The following DST variants were observed in gnomAD, a reference collection of about 807,000 sequenced individuals.
DST encodes dystonin.
DST carries 253 observed loss-of-function variants against 875.2 expected under a neutral mutation model. That is an observed-to-expected ratio of 0.29 (90% CI 0.26 to 0.32). DST has a LOEUF of 0.32. DST is among the 10% of genes least tolerant of loss of function. The pLI is 1.00. For synonymous variants in DST, 3,124 were observed against 3,197.1 expected (o/e 0.98, Z 0.77); for missense variants, 8,287 against 9,111.6 (o/e 0.91, Z 3.68).
intron 26 of DST, 22 bp from the exon 27 acceptor site, chr6:56,634,280 T>C (rs746052575): frequency 6.2e-7 from 1 of 1,613,734 alleles, no homozygotes. Context: ...GAAAGAGAAC[T>C]CAGATTAATG....
intron 3 of DST, among the ~76,000 whole-genome samples, chr6:56,866,475 C>T (rs917328620): frequency 6.6e-6 from 1 of 152,216 alleles, no homozygotes; most frequent in Non-Finnish European, 1.5e-5. Flanking sequence ...GCTCAAAACC[C>T]TCCTGTGGCT....
intron 5 of DST, among the ~76,000 whole-genome samples, chr6:56,723,135 TG>T (rs941209251): frequency 1.5e-4 from 23 of 152,214 alleles, no homozygotes; most frequent in Non-Finnish European, 3.1e-4. Context: ...TATATCATTC[TG>T]GGGGGCTGGC....
chr6:56,583,457 C>T (rs6941901), intron 49 of DST, among the ~76,000 whole-genome samples: 65,766 of 151,676 alleles, frequency 0.43, 14,933 homozygotes, highest in African/African-American at 0.55. Flanking sequence ...GTTTTTTTCC[C>T]GTAAATTTGT....
Position 56,648,441 on chromosome 6 carries a change from T to C in DST, c.1554+129A>G, listed in dbSNP as rs527275983. 7.7e-5 allele frequency: 55 copies of C among 712,752 alleles called. No individual in the cohort carries two copies. In the African/African-American group the frequency reaches 9.3e-4, roughly 12 times the overall value. The allele number at this position is 712,752 out of a possible 1,614,324, so 44.2% of individuals were successfully genotyped here. The stretch of plus-strand genomic sequence containing the variant: ...TAATAAGAGAAATGAGTAATACAAA[T>C]TTTGCCTACTTATTAATGGCTTTCC... On this transcript the variant is annotated intron_variant, in intron 13 of 103. Transcript: ENST00000680361.
chr6:56,767,588 C>T (rs1049795680), intron 4 of DST, among the ~76,000 whole-genome samples: 1 of 151,374 alleles, frequency 6.6e-6, no homozygotes, highest in African/African-American at 2.4e-5. Flanking sequence ...CTGTACTTGC[C>T]TGGGTGACAG....
chr6:56,892,707 G>A (rs915652855), intron 3 of DST, among the ~76,000 whole-genome samples: 1 of 152,146 alleles, frequency 6.6e-6, no homozygotes, highest in Non-Finnish European at 1.5e-5. Context: ...AGGGGTGGGG[G>A]TCCCCTCTTT....
chr6:56,834,964 G>A (rs891091523), intron 4 of DST, among the ~76,000 whole-genome samples: 2 of 152,180 alleles, frequency 1.3e-5, no homozygotes, highest in Non-Finnish European at 2.9e-5. Context: ...TTCAGTCGGT[G>A]AATGGATAAG....
At chr6:56,831,675 A>T (rs373759664) in intron 4 of DST, among the ~76,000 whole-genome samples, 2 of 152,278 alleles carry the variant, frequency 1.3e-5, no homozygotes, top group South Asian at 2.1e-4. Context: ...ATTCCTTAGC[A>T]TATTTTAATG....
intron 4 of DST, among the ~76,000 whole-genome samples, chr6:56,746,499 T>C (rs2099572871): frequency 6.6e-6 from 1 of 152,184 alleles, no homozygotes; most frequent in African/African-American, 2.4e-5. Context: ...TCACCTATCC[T>C]ATAAAATTTT....
intron 47 of DST, among the ~76,000 whole-genome samples, chr6:56,595,553 G>A (rs528959634): frequency 1.3e-3 from 205 of 152,276 alleles, no homozygotes; most frequent in Non-Finnish European, 2.0e-3. Context: ...AGCTGAGTAA[G>A]AATAACTCTA....
chr6:56,851,964 T>TC (rs1765511528), intron 3 of DST: 60 of 1,480,772 alleles, frequency 4.1e-5, no homozygotes, highest in Non-Finnish European at 5.4e-5. Flanking sequence ...AGTATTTGGC[T>TC]CCCCCACCAG....
rs2095215373 is a variant in DST at position 56,476,814 on chromosome 6, T to C, written c.21676-477A>G. Among the ~76,000 whole-genome samples, 3 of 151,904 alleles carry C rather than the reference T, an allele frequency of 2.0e-5. No individual in the cohort carries two copies. The South Asian group carries it at 6.2e-4, about 32-fold the overall frequency. On this transcript the variant is annotated intron_variant, in intron 91 of 103. Transcript: ENST00000680361. ...AAAATACAAAAAAATTAGCTGGGCA[T>C]GGTGGCACGCGCCTGTAATCCCAGC... is the stretch of plus-strand genomic sequence containing the variant.
chr6:56,574,756 G>A (rs910893430), intron 50 of DST, among the ~76,000 whole-genome samples: 1 of 151,950 alleles, frequency 6.6e-6, no homozygotes, highest in African/African-American at 2.4e-5. Context: ...GGTTTTTAAT[G>A]TATTCATCTC....
intron 101 of DST, 21 bp from the exon 102 acceptor site, chr6:56,463,177 T>C (rs2152379115): frequency 6.9e-7 from 1 of 1,451,788 alleles, no homozygotes; most frequent in African/African-American, 1.4e-5. Context: ...CAATGGCAAA[T>C]CAAATGAAAA....
At position 56,661,266 on chromosome 6, in the gene DST, TAAAAC is replaced by T. The variant is rs2099039484; in HGVS notation, c.1214+9370_1214+9374del. Among the ~76,000 whole-genome samples, 7 of 152,248 alleles carry T rather than the reference TAAAAC, an allele frequency of 4.6e-5. No individual in the cohort carries two copies. The South Asian group carries it at 1.5e-3, about 32-fold the overall frequency. On this transcript the variant is annotated intron_variant, in intron 10 of 103. Transcript: ENST00000680361. ...AATCAAGTCAAAATACAAGAAGTGT[TAAAAC>T]AAATAGATGAACCTATCAAAGAAAA...
Position 56,508,644 on chromosome 6 carries a change from C to T in DST, c.19124G>A (p.Trp6375Ter). 1 of 1,613,762 alleles carries T rather than the reference C, an allele frequency of 6.2e-7. No homozygotes were observed. Among genetic ancestry groups the T allele is most frequent in the Non-Finnish European group, 8.5e-7 (1 of 1,179,786 alleles). ...AACTATCAATGACATGTGATCACACCAGAACTTTTCTGCTAGCTCCATCAC... is the reference window on the plus strand; with the variant it reads ...AACTATCAATGACATGTGATCACACTAGAACTTTTCTGCTAGCTCCATCAC... ...LDVMELAEKF[W>*]CDHMSLIVTI... is the part of the protein sequence containing the mutation. Residue 6375 changes from tryptophan (W) to a stop codon, truncating the protein, a stop_gained, in exon 75 of 104, where the codon TGG becomes TAG. Coordinates refer to ENST00000680361, the MANE Select transcript of DST (RefSeq NM_001374736.1). LOFTEE classifies it high-confidence loss of function.
At position 56,471,091 on chromosome 6, in the gene DST, T is replaced by C; in HGVS notation, c.22321+15A>G. The C allele has an allele frequency of 6.2e-7, 1 of 1,607,226 alleles. No homozygotes were observed. Among genetic ancestry groups the C allele is most frequent in the South Asian group, 1.1e-5 (1 of 89,318 alleles). Reference sequence around the variant, plus strand: ...AAAAATTGTATCAGTCATAGTCATCTGTCTTGGAACTTACTTGAGGAAAGA... The same window carrying C: ...AAAAATTGTATCAGTCATAGTCATCCGTCTTGGAACTTACTTGAGGAAAGA... On this transcript the variant is annotated intron_variant, in intron 95 of 103. Transcript: ENST00000680361.
At chr6:56,784,473 T>C (rs2099700877) in intron 4 of DST, among the ~76,000 whole-genome samples, 1 of 152,202 alleles carries the variant, frequency 6.6e-6, no homozygotes, top group Admixed American at 6.5e-5. Flanking sequence ...ATTTCATTCA[T>C]TTAATCTTCC....
intron 4 of DST, among the ~76,000 whole-genome samples, chr6:56,801,046 A>G (rs930225340): frequency 1.3e-4 from 19 of 150,372 alleles, no homozygotes; most frequent in Admixed American, 6.6e-5. Context: ...AAAAAAAAAA[A>G]CCTCCTATCT....
Sources: allele counts gnomAD v4.1 joint callset (sites outside exome capture counted in the v4.1 genomes callset), GRCh38; gene constraint gnomAD v4.1.1; transcripts MANE v1.5; gene names NCBI Gene and HGNC (gene_info 2026-07-23, HGNC 2026-07-21).